XIRP2: variants seen among roughly 807,000 people sequenced by gnomAD.
XIRP2 encodes the protein xin actin binding repeat containing 2, also known as xin actin-binding repeat-containing protein 2.
A neutral mutation model predicts 277.0 loss-of-function variants in XIRP2; 236 were observed. The observed-to-expected ratio is 0.85, with a 90% CI of 0.77 to 0.95. The LOEUF is 0.95. XIRP2 is among the 40% of genes least tolerant of loss of function. XIRP2 has a pLI of 0.00. For synonymous variants in XIRP2, 1,490 were observed against 1,416.5 expected (o/e 1.05, Z -1.17); for missense variants, 4,640 against 4,157.5 (o/e 1.12, Z -3.19).
At chr2:167,081,146 A>C (rs1026042971) in intron 2 of XIRP2, among the ~76,000 whole-genome samples, 1 of 152,158 alleles carries the variant, frequency 6.6e-6, no homozygotes. Context: ...GAAACCAGAG[A>C]TCTTCATTCC....
chr2:167,103,393 C>T (rs1267575249), intron 2 of XIRP2, among the ~76,000 whole-genome samples: 1 of 152,096 alleles, frequency 6.6e-6, no homozygotes, highest in Non-Finnish European at 1.5e-5. Flanking sequence ...AAAAAACTTG[C>T]TTTAGTTTTA....
At chr2:166,975,647 C>A (rs1019732211) in intron 2 of XIRP2, among the ~76,000 whole-genome samples, 3 of 152,002 alleles carry the variant, frequency 2.0e-5, no homozygotes, top group Admixed American at 1.3e-4. Flanking sequence ...TCATTGTGGC[C>A]GGGCGCGGTG....
intron 2 of XIRP2, among the ~76,000 whole-genome samples, chr2:166,981,867 T>C (rs961995427): frequency 6.6e-6 from 1 of 152,226 alleles, no homozygotes; most frequent in Non-Finnish European, 1.5e-5. Context: ...CTACTCAACA[T>C]AGTACAAACA....
At chr2:166,935,502 A>G (rs576180850) in intron 2 of XIRP2, among the ~76,000 whole-genome samples, 15 of 152,172 alleles carry the variant, frequency 9.9e-5, no homozygotes, top group Middle Eastern at 3.4e-3. Flanking sequence ...CCATGTTGGT[A>G]TGCTGCACCC....
intron 2 of XIRP2, 52 bp from the exon 3 acceptor site, chr2:167,135,855 ATC>A: frequency 6.9e-7 from 1 of 1,452,590 alleles, no homozygotes; most frequent in Non-Finnish European, 9.1e-7. Flanking sequence ...TAAAAAACAC[ATC>A]TGTTTCCTAC....
rs190443772 is a variant in XIRP2 at position 166,942,856 on chromosome 2, A to C, written c.408+38966A>C. Among the ~76,000 whole-genome samples the C allele has an allele frequency of 1.1e-4, 16 of 152,332 alleles. No individual in the cohort carries two copies. The East Asian group carries it at 3.1e-3, about 29-fold the overall frequency. On this transcript the variant is annotated intron_variant, in intron 2 of 10. Transcript: ENST00000409195. ...CTACAGCATCAACCAAATTGCTGCC[A>C]TAAGTGTTAAAAATAATTAACAACA...
chr2:166,903,175 A>T (rs1395416434), intron 1 of XIRP2, among the ~76,000 whole-genome samples: 1 of 152,130 alleles, frequency 6.6e-6, no homozygotes, highest in Non-Finnish European at 1.5e-5. Context: ...CTGATTTTCG[A>T]TAAAAGGAAA....
At chr2:167,022,441 C>T (rs1019989530) in intron 2 of XIRP2, among the ~76,000 whole-genome samples, 2 of 151,804 alleles carry the variant, frequency 1.3e-5, no homozygotes, top group Non-Finnish European at 2.9e-5. Context: ...GTTATGTATT[C>T]ATTTTTTTAA....
At chr2:167,024,885 T>G (rs1380420791) in intron 2 of XIRP2, among the ~76,000 whole-genome samples, 1 of 152,222 alleles carries the variant, frequency 6.6e-6, no homozygotes, top group Non-Finnish European at 1.5e-5. Flanking sequence ...TTTGCATCAA[T>G]GTTCATCAAA....
intron 2 of XIRP2, among the ~76,000 whole-genome samples, chr2:167,088,565 C>T (rs76852392): frequency 1.3e-5 from 2 of 152,248 alleles, no homozygotes; most frequent in Non-Finnish European, 2.9e-5. Context: ...AGTACACTTG[C>T]ATATCTTCTA....
At chr2:167,020,478 A>G (rs1050205275) in intron 2 of XIRP2, among the ~76,000 whole-genome samples, 3 of 152,168 alleles carry the variant, frequency 2.0e-5, no homozygotes, top group East Asian at 1.9e-4. Flanking sequence ...TGCATATGCT[A>G]TAAAACACCA....
At chr2:166,903,914 C>T in intron 2 of XIRP2, 24 bp downstream of exon 2, 1 of 1,595,736 alleles carries the variant, frequency 6.3e-7, no homozygotes, top group Non-Finnish European at 8.6e-7. Flanking sequence ...GATTGAGAGT[C>T]TATGTTTACA....
At chr2:167,194,225 G>A (rs916665888) in intron 3 of XIRP2, among the ~76,000 whole-genome samples, 1 of 151,762 alleles carries the variant, frequency 6.6e-6, no homozygotes. Flanking sequence ...GGGATTACAG[G>A]CATGCACCAC....
intron 2 of XIRP2, among the ~76,000 whole-genome samples, chr2:166,917,467 G>A (rs1322796388): frequency 6.6e-6 from 1 of 152,022 alleles, no homozygotes; most frequent in Non-Finnish European, 1.5e-5. Context: ...CTATTTTACT[G>A]CTTCCTGTCC....
chr2:166,914,567 C>T (rs971020386), intron 2 of XIRP2, among the ~76,000 whole-genome samples: 1 of 152,082 alleles, frequency 6.6e-6, no homozygotes, highest in Non-Finnish European at 1.5e-5. Context: ...ATCTTGATCT[C>T]CTGACCTCGA....
At chr2:167,149,886 T>A (rs1691963402) in intron 3 of XIRP2, among the ~76,000 whole-genome samples, 1 of 151,878 alleles carries the variant, frequency 6.6e-6, no homozygotes, top group Non-Finnish European at 1.5e-5. Flanking sequence ...CATATTAATA[T>A]CCAGGATATG....
chr2:166,935,744 A>G (rs1317676748), intron 2 of XIRP2, among the ~76,000 whole-genome samples: 3 of 152,150 alleles, frequency 2.0e-5, no homozygotes, highest in Non-Finnish European at 4.4e-5. Flanking sequence ...ACATGAACTC[A>G]TCCTTTTTTG....
At position 167,258,320 on chromosome 2, in the gene XIRP2, CA is replaced by C. The variant is rs1695723435; in HGVS notation, c.*506del. The C allele has an allele frequency of 6.2e-7, 1 of 1,613,204 alleles. No homozygotes were observed. The highest frequency in any genetic ancestry group is 1.3e-5 in the African/African-American group (1 of 74,918). ...TGTTAGAACTCCAGAAAATAAAGGA[CA>C]AAGACAAGATCACTTTCCATTTTTG... On this transcript the variant is annotated 3_prime_UTR_variant, in exon 11 of 11. Transcript: ENST00000409195.
chr2:167,022,963 T>C (rs1688028575), intron 2 of XIRP2, among the ~76,000 whole-genome samples: 1 of 152,158 alleles, frequency 6.6e-6, no homozygotes, highest in South Asian at 2.1e-4. Context: ...CCTTTGGGTA[T>C]ATACCCAGTA....
Sources: gnomAD v4.1 joint callset for allele counts (sites outside exome capture counted in the v4.1 genomes callset) on GRCh38, gnomAD v4.1.1 for gene constraint, MANE v1.5 for transcripts, NCBI Gene and HGNC (gene_info 2026-07-23, HGNC 2026-07-21) for gene names.